The following AGK variants were observed in gnomAD, a reference collection of about 807,000 sequenced individuals.
AGK encodes acylglycerol kinase, also known as acylglycerol kinase, mitochondrial.
AGK carries 52 observed loss-of-function variants against 66.4 expected under a neutral mutation model. That is an observed-to-expected ratio of 0.78 (90% confidence interval 0.63 to 0.99). The LOEUF (loss-of-function observed/expected upper bound fraction) is 0.99, where lower values mean the gene tolerates loss of function less well. Among genes scored for constraint, AGK ranks in the 50% least tolerant of loss-of-function variants. The pLI is 0.00. For synonymous variants in AGK, 182 were observed against 181.1 expected, an observed-to-expected ratio of 1.00 and a Z score of -0.04; for missense variants, 451 against 506.6, an observed-to-expected ratio of 0.89 and a Z score of 1.05.
At position 141,638,719 on chromosome 7, in the gene AGK, G is replaced by A. The variant is rs911249404; in HGVS notation, c.726+1702G>A. Among the ~76,000 whole-genome samples, 4 of 152,130 alleles carry A rather than the reference G, an allele frequency of 2.6e-5. No individual in the cohort carries two copies. The South Asian group carries it at 8.3e-4, about 31-fold the overall frequency. On this transcript the variant is annotated intron_variant, in intron 11 of 15. Transcript: ENST00000649286. Reference sequence around the variant, plus strand: ...GGATTATCAGATTTCTGGTATGAGGGACTAGAGTTTGGTAACTGGAGTTTT... The same window carrying A: ...GGATTATCAGATTTCTGGTATGAGGAACTAGAGTTTGGTAACTGGAGTTTT...
At chr7:141,629,067 T>G (rs1171857102) in intron 9 of AGK, among the ~76,000 whole-genome samples, 1 of 152,198 alleles carries the variant, frequency 6.6e-6, no homozygotes, top group Non-Finnish European at 1.5e-5. Context: ...CATGGACTCC[T>G]TCTTTTTAGA....
chr7:141,619,049 A>G (rs1796767702), intron 8 of AGK, among the ~76,000 whole-genome samples: 1 of 152,142 alleles, frequency 6.6e-6, no homozygotes, highest in African/African-American at 2.4e-5. Context: ...AGAGAAATCA[A>G]GAAGACCTAA....
rs56369959 is a variant in AGK, at chr7:141,653,407, C to G, written c.*483C>G. 6.5e-6 allele frequency: 1 copy of G among 153,790 alleles called. No individual in the cohort carries two copies. Among genetic ancestry groups the G allele is most frequent in the Admixed American group, 6.4e-5 (1 of 15,676 alleles). The allele number at this position is 153,790 out of a possible 1,614,324, so 9.5% of individuals were successfully genotyped here. A position where few individuals can be genotyped will look rare whatever the true frequency, so the allele number is the denominator to read the frequency against. ...CTCCTGTTTAGCTTTTATTTCAGTT[C>G]TAACCTCAGTCCAGAAACATATGTG... On this transcript the variant is annotated 3_prime_UTR_variant, in exon 16 of 16. Coordinates refer to ENST00000649286, the MANE Select transcript of AGK (RefSeq NM_018238.4).
chr7:141,650,774 TTGGTTCCAG>T, intron 14 of AGK: 2 of 772,342 alleles, frequency 2.6e-6, no homozygotes, highest in Non-Finnish European at 3.1e-6. Flanking sequence ...CCTTGGGGTA[TTGGTTCCAG>T]GACCTCCCTC....
chr7:141,628,827 C>A (rs1796996668), intron 9 of AGK, among the ~76,000 whole-genome samples: 1 of 152,164 alleles, frequency 6.6e-6, no homozygotes, highest in Non-Finnish European at 1.5e-5. Context: ...TGGCACCATT[C>A]CATGATTTTT....
At chr7:141,576,369 T>C (rs1233958964) in intron 2 of AGK, among the ~76,000 whole-genome samples, 1 of 151,724 alleles carries the variant, frequency 6.6e-6, no homozygotes, top group Non-Finnish European at 1.5e-5. Flanking sequence ...TTGTCTAGGG[T>C]TGGACCACAC....
At chr7:141,589,701 T>C (rs756837455) in intron 2 of AGK, among the ~76,000 whole-genome samples, 33 of 152,094 alleles carry the variant, frequency 2.2e-4, no homozygotes, top group Non-Finnish European at 3.7e-4. Flanking sequence ...GCTGGGATTA[T>C]AGGCATGTGC....
intron 1 of AGK, among the ~76,000 whole-genome samples, chr7:141,552,540 A>G (rs577446705): frequency 1.3e-5 from 2 of 152,312 alleles, no homozygotes; most frequent in East Asian, 3.9e-4. Flanking sequence ...CTGTGTTTTT[A>G]ACAAGTTCTG....
At chr7:141,650,937 G>T (rs1797541250) in intron 14 of AGK, among the ~76,000 whole-genome samples, 1 of 152,162 alleles carries the variant, frequency 6.6e-6, no homozygotes, top group African/African-American at 2.4e-5. Flanking sequence ...TATGTGGATG[G>T]TTGCTGTCCT....
intron 11 of AGK, among the ~76,000 whole-genome samples, chr7:141,637,370 T>C (rs953799246): frequency 3.3e-5 from 5 of 152,182 alleles, no homozygotes; most frequent in African/African-American, 7.2e-5. Flanking sequence ...TGGAAATGAA[T>C]TGAAGATTTG....
intron 9 of AGK, among the ~76,000 whole-genome samples, chr7:141,623,420 G>T (rs902388840): frequency 7.0e-6 from 1 of 142,318 alleles, no homozygotes; most frequent in Non-Finnish European, 1.6e-5. Context: ...AAAAAAAAAA[G>T]AAAGTGAAGC....
chr7:141,594,752 A>G (rs1796194146), intron 3 of AGK, among the ~76,000 whole-genome samples: 1 of 152,048 alleles, frequency 6.6e-6, no homozygotes, highest in Non-Finnish European at 1.5e-5. Flanking sequence ...TCCCAGGTTC[A>G]AGTGATTCTC....
chr7:141,641,168 A>G (rs1222844917), intron 11 of AGK, 80 bp from the exon 12 acceptor site: 1 of 1,365,516 alleles, frequency 7.3e-7, no homozygotes, highest in Non-Finnish European at 1.0e-6. Flanking sequence ...AGGTAGACAA[A>G]TAAATAACTT....
At chr7:141,564,732 G>A (rs1359042839) in intron 2 of AGK, among the ~76,000 whole-genome samples, 2 of 151,760 alleles carry the variant, frequency 1.3e-5, no homozygotes, top group Non-Finnish European at 2.9e-5. Context: ...CTTCTCCTTT[G>A]TTACTTTTTT....
chr7:141,607,435 A>G (rs1249570226), intron 5 of AGK, among the ~76,000 whole-genome samples: 1 of 152,108 alleles, frequency 6.6e-6, no homozygotes, highest in Non-Finnish European at 1.5e-5. Context: ...CTTATTATCC[A>G]TCTGTAGATC....
At chr7:141,606,937 TTC>T (rs1796472612) in intron 5 of AGK, among the ~76,000 whole-genome samples, 1 of 152,210 alleles carries the variant, frequency 6.6e-6, no homozygotes, top group Non-Finnish European at 1.5e-5. Flanking sequence ...TCAGATTGGC[TTC>T]TGTCACTTAG....
At chr7:141,569,048 T>A (rs1378742204) in intron 2 of AGK, among the ~76,000 whole-genome samples, 1 of 152,246 alleles carries the variant, frequency 6.6e-6, no homozygotes, top group East Asian at 1.9e-4. Flanking sequence ...TAATTAATAC[T>A]GGAGTTTTCT....
chr7:141,573,932 C>T (rs1250444837), intron 2 of AGK, among the ~76,000 whole-genome samples: 3 of 152,000 alleles, frequency 2.0e-5, no homozygotes, highest in East Asian at 1.9e-4. Flanking sequence ...CCCATTAACT[C>T]GTCATTTACT....
In AGK at chr7:141,581,010, G is replaced by A. The variant is rs143255821; in HGVS notation, c.102-12136G>A. ...ATGGCAAAACCAGGTATCCAAAGGC[G>A]AAAGTGTCCAACCATGGCCAGGAAG... On this transcript the variant is annotated intron_variant, in intron 2 of 15. Coordinates refer to ENST00000649286, the MANE Select transcript of AGK (RefSeq NM_018238.4). Among the ~76,000 whole-genome samples the A allele has an allele frequency of 4.4e-3, 675 of 152,052 alleles. 10 individuals are homozygous for A. The East Asian group carries it at 0.053, about 12-fold the overall frequency.
Sources: gnomAD v4.1 joint callset for allele counts (sites outside exome capture counted in the v4.1 genomes callset) on GRCh38, gnomAD v4.1.1 for gene constraint, MANE v1.5 for transcripts, NCBI Gene and HGNC (gene_info 2026-07-23, HGNC 2026-07-21) for gene names.